ADGRV1: variants seen among roughly 807,000 people sequenced by gnomAD.
ADGRV1 encodes the protein adhesion G protein-coupled receptor V1.
A neutral mutation model predicts 596.2 loss-of-function variants in ADGRV1; 359 were observed. That is an observed-to-expected ratio of 0.60 (90% CI 0.55 to 0.66). ADGRV1 has a LOEUF of 0.66. Among genes scored for constraint, ADGRV1 ranks in the 30% least tolerant of loss-of-function variants. The probability of loss-of-function intolerance (pLI) is 0.00; values close to 1 mark genes in which losing one functional copy is unlikely to be tolerated. For synonymous variants in ADGRV1, 2,681 were observed against 2,679.2 expected (o/e 1.00, Z -0.02); for missense variants, 7,274 against 7,575.6 (o/e 0.96, Z 1.48).
intron 87 of ADGRV1, among the ~76,000 whole-genome samples, chr5:91,111,841 C>G (rs1024986990): frequency 6.6e-6 from 1 of 152,154 alleles, no homozygotes; most frequent in African/African-American, 2.4e-5. Flanking sequence ...CATTTGTTTT[C>G]TAGAGTGAGA....
intron 85 of ADGRV1, among the ~76,000 whole-genome samples, chr5:90,993,274 T>C (rs1781124753): frequency 6.8e-6 from 1 of 147,986 alleles, no homozygotes; most frequent in South Asian, 2.3e-4. Flanking sequence ...TTCTCCTGCC[T>C]CAGCCTCCCG....
At chr5:91,103,766 T>A (rs928577802) in intron 87 of ADGRV1, among the ~76,000 whole-genome samples, 6 of 152,170 alleles carry the variant, frequency 3.9e-5, no homozygotes, top group African/African-American at 1.4e-4. Context: ...TTCATTTTAC[T>A]TGCCCCTGAG....
chr5:90,772,658 A>G (rs1325224365), intron 59 of ADGRV1, among the ~76,000 whole-genome samples: 1 of 152,200 alleles, frequency 6.6e-6, no homozygotes, highest in Non-Finnish European at 1.5e-5. Context: ...TGGGGTTACA[A>G]AGTTGGATGA....
intron 9 of ADGRV1, among the ~76,000 whole-genome samples, chr5:90,634,406 T>C (rs1269413038): frequency 1.3e-5 from 2 of 152,132 alleles, no homozygotes; most frequent in Non-Finnish European, 2.9e-5. Flanking sequence ...TGTTGGGAAG[T>C]AAAAATCTGG....
intron 85 of ADGRV1, among the ~76,000 whole-genome samples, chr5:91,028,775 G>C (rs1036746920): frequency 4.2e-5 from 4 of 94,514 alleles, no homozygotes; most frequent in African/African-American, 1.7e-4. Context: ...GCTTTGTTCT[G>C]TCGCCAAGGC....
intron 86 of ADGRV1, among the ~76,000 whole-genome samples, chr5:91,077,279 C>G (rs1788941949): frequency 6.6e-6 from 1 of 152,110 alleles, no homozygotes; most frequent in African/African-American, 2.4e-5. Context: ...CAGGTAGATG[C>G]AGGACATTTT....
In ADGRV1 at chr5:90,681,461, A is replaced by C. The variant is rs781628747; in HGVS notation, c.5664+7A>C. The stretch of plus-strand genomic sequence containing the variant: ...TAGCACTGTTACATTAAATGTGAGT[A>C]CCTTTTCTTCCTTCATTCCTAGACA... On this transcript the variant is annotated splice_region_variant and intron_variant, in intron 27 of 89. Coordinates refer to ENST00000405460, the MANE Select transcript of ADGRV1 (RefSeq NM_032119.4). 3 of 1,603,954 alleles carry C rather than the reference A, an allele frequency of 1.9e-6. No individual in the cohort carries two copies.
At chr5:91,131,428 T>G (rs1186529745) in intron 87 of ADGRV1, among the ~76,000 whole-genome samples, 3 of 151,856 alleles carry the variant, frequency 2.0e-5, no homozygotes, top group South Asian at 2.1e-4. Context: ...TTGGGTTTTT[T>G]TTTTTTTTTT....
At chr5:90,892,403 A>G (rs890472845) in intron 83 of ADGRV1, among the ~76,000 whole-genome samples, 2 of 152,116 alleles carry the variant, frequency 1.3e-5, no homozygotes, top group East Asian at 1.9e-4. Context: ...CCCAAAGAAC[A>G]AAGTCTTATG....
intron 75 of ADGRV1, among the ~76,000 whole-genome samples, chr5:90,817,889 C>T (rs1346734954): frequency 1.3e-5 from 2 of 152,082 alleles, no homozygotes; most frequent in East Asian, 1.9e-4. Context: ...ATTGCCTTGG[C>T]GATGCAGGCT....
chr5:90,945,967 G>A (rs1452848599), intron 83 of ADGRV1, among the ~76,000 whole-genome samples: 2 of 143,708 alleles, frequency 1.4e-5, no homozygotes, highest in East Asian at 3.9e-4. Flanking sequence ...GGGTGACAGA[G>A]TGAGACCCTT....
chr5:90,565,544 C>T (rs896674150), intron 1 of ADGRV1, among the ~76,000 whole-genome samples: 2 of 152,124 alleles, frequency 1.3e-5, no homozygotes, highest in African/African-American at 4.8e-5. Context: ...AAATAATATT[C>T]CAGAGTATGG....
In ADGRV1 at chr5:90,896,888, G is replaced by A. The variant is rs192653773; in HGVS notation, c.17856+33031G>A. Among the ~76,000 whole-genome samples, 244 of 152,278 alleles carry A rather than the reference G, an allele frequency of 1.6e-3. No individual in the cohort carries two copies. The Middle Eastern group carries it at 0.024, about 15-fold the overall frequency. On this transcript the variant is annotated intron_variant, in intron 83 of 89. Coordinates refer to ENST00000405460, the MANE Select transcript of ADGRV1 (RefSeq NM_032119.4). Reference sequence around the variant, plus strand: ...GACAGCATTAATTGGGCAAGAAGGGGCCTATCAGGCTGGATGACATTCCCC... The same window carrying A: ...GACAGCATTAATTGGGCAAGAAGGGACCTATCAGGCTGGATGACATTCCCC...
intron 82 of ADGRV1, among the ~76,000 whole-genome samples, chr5:90,861,376 C>A (rs1194890557): frequency 1.3e-5 from 2 of 151,598 alleles, no homozygotes; most frequent in African/African-American, 4.9e-5. Flanking sequence ...GTGGTGTGAT[C>A]TTGGCTCACT....
chr5:90,667,984 C>T (rs543882239), intron 21 of ADGRV1, among the ~76,000 whole-genome samples: 3,909 of 150,238 alleles, frequency 0.026, 153 homozygotes, highest in African/African-American at 0.092. Flanking sequence ...TCTCCAGCTG[C>T]GTACTGGGAG....
At chr5:90,798,620 CA>C (rs1215422914) in intron 70 of ADGRV1, among the ~76,000 whole-genome samples, 8 of 151,854 alleles carry the variant, frequency 5.3e-5, no homozygotes, top group Non-Finnish European at 8.8e-5. Flanking sequence ...AGAGACACAA[CA>C]AAAAAAGAAA....
At chr5:91,148,896 G>A (rs1229925432) in intron 87 of ADGRV1, among the ~76,000 whole-genome samples, 1 of 152,210 alleles carries the variant, frequency 6.6e-6, no homozygotes, top group Non-Finnish European at 1.5e-5. Context: ...AAGATATAGA[G>A]TCAAAGATCA....
intron 88 of ADGRV1, 81 bp from the exon 89 acceptor site, chr5:91,153,140 C>T (rs1430127149): frequency 8.6e-7 from 1 of 1,160,482 alleles, no homozygotes; most frequent in Non-Finnish European, 1.2e-6. Context: ...AGGCAGAGAT[C>T]AATTGTCCAT....
At chr5:90,634,346 T>C (rs1469730239) in intron 9 of ADGRV1, among the ~76,000 whole-genome samples, 2 of 152,186 alleles carry the variant, frequency 1.3e-5, no homozygotes, top group Non-Finnish European at 2.9e-5. Flanking sequence ...CTACGTCATG[T>C]ATTGGGAAAA....
Sources: gnomAD v4.1 joint callset for allele counts (sites outside exome capture counted in the v4.1 genomes callset) on GRCh38, gnomAD v4.1.1 for gene constraint, MANE v1.5 for transcripts, NCBI Gene and HGNC (gene_info 2026-07-23, HGNC 2026-07-21) for gene names.